Variants in MORC3 observed in about 807,000 individuals in gnomAD.
The protein encoded by MORC3 is MORC family CW-type zinc finger protein 3.
A neutral mutation model predicts 109.1 loss-of-function variants in MORC3; 31 were observed. That is an observed-to-expected ratio of 0.28 (90% confidence interval 0.21 to 0.38). The LOEUF is 0.38. MORC3 is among the 10% of genes least tolerant of loss of function. The pLI, the probability that MORC3 is intolerant of heterozygous loss-of-function variation, is 1.00. For missense variants in MORC3, 867 were observed against 1,135.8 expected, an observed-to-expected ratio of 0.76 and a Z score of 3.40; for synonymous variants, 395 against 380.7, an observed-to-expected ratio of 1.04 and a Z score of -0.44.
intron 1 of MORC3, among the ~76,000 whole-genome samples, chr21:36,327,288 C>G (rs189997721): frequency 1.0e-4 from 15 of 148,860 alleles, no homozygotes; most frequent in Admixed American, 4.1e-4. Context: ...TCCTGAGTAG[C>G]TGGGATTACA....
At position 36,362,170 on chromosome 21, in the gene MORC3, C is replaced by G. The variant is rs1382868884; in HGVS notation, c.1407-13C>G. ...TGAGAAATAACAACATGTTTTTCATCTTTATTTTAAAGCAACAAGGAAAAA... is the reference window on the plus strand; with the variant it reads ...TGAGAAATAACAACATGTTTTTCATGTTTATTTTAAAGCAACAAGGAAAAA... On this transcript the variant is annotated splice_polypyrimidine_tract_variant and intron_variant, in intron 12 of 16. Coordinates refer to ENST00000400485, the MANE Select transcript of MORC3 (RefSeq NM_015358.3). The G allele has an allele frequency of 6.2e-7, 1 of 1,608,562 alleles. No individual in the cohort carries two copies. The highest frequency in any genetic ancestry group is 8.5e-7 in the Non-Finnish European group (1 of 1,177,200).
intron 12 of MORC3, 50 bp downstream of exon 12, chr21:36,360,308 AG>A: frequency 1.3e-6 from 2 of 1,519,554 alleles, no homozygotes; most frequent in Non-Finnish European, 1.8e-6. Flanking sequence ...GATCATGAAC[AG>A]TGATGCCTTG....
chr21:36,341,647 C>T, intron 6 of MORC3, 101 bp downstream of exon 6: 3 of 1,488,334 alleles, frequency 2.0e-6, no homozygotes, highest in Non-Finnish European at 2.8e-6. Flanking sequence ...GCTGCCAGTG[C>T]TCTCTAAATG....
intron 8 of MORC3, among the ~76,000 whole-genome samples, chr21:36,345,820 G>C (rs2085501634): frequency 6.6e-6 from 1 of 151,958 alleles, no homozygotes. Context: ...GTCTCCCAAA[G>C]TGCTGGGATT....
chr21:36,337,931 G>A lies in MORC3; in HGVS notation c.445G>A (p.Ala149Thr). The change falls in exon 4 of 17, where the codon GCA becomes ACA. Residue 149 changes from alanine to threonine, a missense_variant. This residue lies in a region of MORC3 where 134 missense variants were observed against 166.6 expected (regional missense o/e 0.80). Coordinates refer to ENST00000400485, the MANE Select transcript of MORC3 (RefSeq NM_015358.3). ...KAEHVVVPIVAFNKHRQMINL... is the reference protein window; with the variant it reads ...KAEHVVVPIVTFNKHRQMINL... ...GGAGCATGTTGTTGTTCCAATAGTG[G>A]CATTCAACAAGCACCATATCCTTTT... 1 of 1,613,994 alleles carries A rather than the reference G, an allele frequency of 6.2e-7. No individual in the cohort carries two copies. Among genetic ancestry groups the A allele is most frequent in the Non-Finnish European group, 8.5e-7 (1 of 1,179,924 alleles).
intron 1 of MORC3, among the ~76,000 whole-genome samples, chr21:36,331,241 C>T (rs2085311730): frequency 6.6e-6 from 1 of 151,948 alleles, no homozygotes; most frequent in African/African-American, 2.4e-5. Context: ...TCAGAATGAA[C>T]AAAAAAATTG....
intron 14 of MORC3, among the ~76,000 whole-genome samples, chr21:36,367,674 CT>C (rs1390512802): frequency 1.3e-5 from 2 of 152,122 alleles, no homozygotes; most frequent in Non-Finnish European, 2.9e-5. Flanking sequence ...TGCATTTCCA[CT>C]AACTACAGAG....
chr21:36,342,988 C>T (rs2085467275), intron 6 of MORC3, among the ~76,000 whole-genome samples: 1 of 151,552 alleles, frequency 6.6e-6, no homozygotes, highest in Admixed American at 6.6e-5. Flanking sequence ...CATTACACTC[C>T]AGCCTGGGCA....
At chr21:36,370,029 C>T (rs910995681) in intron 15 of MORC3, among the ~76,000 whole-genome samples, 153 bp downstream of exon 15, 10 of 152,056 alleles carry the variant, frequency 6.6e-5, no homozygotes, top group African/African-American at 2.2e-4. Context: ...TCAAGGAGTT[C>T]GAGACCAGCC....
At chr21:36,374,678 C>T (rs972334065) in intron 16 of MORC3, among the ~76,000 whole-genome samples, 2 of 152,120 alleles carry the variant, frequency 1.3e-5, no homozygotes, top group Non-Finnish European at 2.9e-5. Flanking sequence ...GCCTGTGCTT[C>T]CAGCTACTCA....
Position 36,350,301 on chromosome 21 carries a change from C to T in MORC3, c.1103+893C>T, listed in dbSNP as rs1242244804. Among the ~76,000 whole-genome samples the T allele has an allele frequency of 5.3e-5, 8 of 151,610 alleles. No individual in the cohort carries two copies. In the South Asian group the frequency reaches 6.2e-4, roughly 12 times the overall value. ...CCAACCCGATGACAGAGTGAGATCC[C>T]GTCTCAGGAAAAAAAAGACCACGTA... On this transcript the variant is annotated intron_variant, in intron 9 of 16. Coordinates refer to ENST00000400485, the MANE Select transcript of MORC3 (RefSeq NM_015358.3).
intron 1 of MORC3, 44 bp downstream of exon 1, chr21:36,320,347 C>T: frequency 1.2e-6 from 1 of 868,850 alleles, no homozygotes. Context: ...CCCAGGAGGG[C>T]GGGCGGGCAA....
chr21:36,342,768 C>T (rs1333193984), intron 6 of MORC3, among the ~76,000 whole-genome samples: 1 of 151,846 alleles, frequency 6.6e-6, no homozygotes, highest in African/African-American at 2.4e-5. Context: ...CATGTAATCC[C>T]AGCACTTTGT....
At chr21:36,329,766 A>G (rs185733585) in intron 1 of MORC3, among the ~76,000 whole-genome samples, 89 of 152,342 alleles carry the variant, frequency 5.8e-4, no homozygotes, top group African/African-American at 1.9e-3. Flanking sequence ...TCCTTGTCAT[A>G]TCTTGAAATT....
chr21:36,351,057 CTTTTTTTTTTTTTTTTT>C (rs748042243), intron 9 of MORC3, among the ~76,000 whole-genome samples: 7 of 71,428 alleles, frequency 9.8e-5, no homozygotes, highest in Non-Finnish European at 1.8e-4. Flanking sequence ...GGTTGTCCTC[CTTTTTTTTTTTTTTTTT>C]TTTTTTTTTG....
At chr21:36,372,617 T>TA in intron 16 of MORC3, 86 bp downstream of exon 16, 1 of 1,321,732 alleles carries the variant, frequency 7.6e-7, no homozygotes, top group Non-Finnish European at 1.0e-6. Context: ...ATCAAATAGA[T>TA]ACTGTTCTGT....
At position 36,349,395 on chromosome 21, in the gene MORC3, A is replaced by G. The variant is rs540718270; in HGVS notation, c.1090A>G (p.Thr364Ala). Residue 364 changes from threonine to alanine, a missense_variant, in exon 9 of 17, where the codon ACT becomes GCT. Physicochemically the swap from Thr to Ala is moderately conservative, Grantham distance 58. Around this residue, in one of 7 missense-constraint regions of MORC3, gnomAD observed 120 missense variants for 259.7 expected, o/e 0.46. Transcript: ENST00000400485. ...TCATAATAAACAAGATTTCGACTATACTAATGAGTACAGGTATGTTACCTA... is the reference window on the plus strand; with the variant it reads ...TCATAATAAACAAGATTTCGACTATGCTAATGAGTACAGGTATGTTACCTA... The part of the protein sequence containing the change: ...PTHNKQDFDY[T>A]NEYRLTITAL... 1.1e-5 allele frequency: 18 copies of G among 1,598,896 alleles called. No individual in the cohort carries two copies. The highest frequency in any genetic ancestry group is 1.5e-5 in the Non-Finnish European group (18 of 1,170,370).
intron 4 of MORC3, among the ~76,000 whole-genome samples, chr21:36,338,289 A>G (rs2085395844): frequency 6.6e-6 from 1 of 152,230 alleles, no homozygotes; most frequent in Non-Finnish European, 1.5e-5. Flanking sequence ...TGCCTTTTGT[A>G]TGAACACATT....
At chr21:36,353,185 A>C (rs2898285) in intron 9 of MORC3, among the ~76,000 whole-genome samples, 109,947 of 149,732 alleles carry the variant, frequency 0.73, 41,318 homozygotes, top group East Asian at 1. Context: ...GGTGAAACCC[A>C]GTCTCTACTA....
Sources: gnomAD v4.1 joint callset for allele counts (sites outside exome capture counted in the v4.1 genomes callset) on GRCh38, gnomAD v4.1.1 for gene constraint, gnomAD v4.1.1 regional missense constraint, MANE v1.5 for transcripts, NCBI Gene and HGNC (gene_info 2026-07-23, HGNC 2026-07-21) for gene names.